PLOD1: variants seen among roughly 807,000 people sequenced by gnomAD.
The protein encoded by PLOD1 is lysine hydroxylase.
PLOD1 carries 70 observed loss-of-function variants against 94.7 expected under a neutral mutation model. The ratio of observed to expected loss-of-function variants is 0.74; its 90% CI spans 0.61 to 0.90. PLOD1 has a LOEUF of 0.90. Among genes scored for constraint, PLOD1 ranks in the 40% least tolerant of loss-of-function variants. PLOD1 has a pLI of 0.00. For missense variants in PLOD1, 905 were observed against 972.7 expected (o/e 0.93, Z 0.93); for synonymous variants, 417 against 400.2 (o/e 1.04, Z -0.50).
chr1:11,972,783 G>T lies in PLOD1; in HGVS notation c.1903-89G>T, dbSNP rs1645875489. On this transcript the variant is annotated intron_variant, in intron 17 of 18. Coordinates refer to ENST00000196061, the MANE Select transcript of PLOD1 (RefSeq NM_000302.4). The surrounding 1 kb of genome is among the most constrained non-coding windows in gnomAD (Gnocchi z 4.6). ...CTGTAAGCTGACCTGCAGCAGGCCAGACCAGGCCCCATGTGTGCACCCTCC... is the reference window on the plus strand; with the variant it reads ...CTGTAAGCTGACCTGCAGCAGGCCATACCAGGCCCCATGTGTGCACCCTCC... The T allele has an allele frequency of 2.7e-6, 4 of 1,493,028 alleles. No homozygotes were observed. The allele number at this position is 1,493,028 out of a possible 1,614,324, so 92.5% of individuals were successfully genotyped here.
rs1305944282 is a variant in PLOD1 at position 11,964,454 on chromosome 1, A to AC, written c.1328+155dup. On this transcript the variant is annotated intron_variant, in intron 12 of 18. Coordinates refer to ENST00000196061, the MANE Select transcript of PLOD1 (RefSeq NM_000302.4). ...AGACTTCAGTTAGACACACAGAAGGACTTCCTGACAAATAGGCCCATGTGT... is the reference window on the plus strand; with the variant it reads ...AGACTTCAGTTAGACACACAGAAGGACCTTCCTGACAAATAGGCCCATGTGT... Among the ~76,000 whole-genome samples, 8 of 152,166 alleles carry AC rather than the reference A, an allele frequency of 5.3e-5. 1 individual carries two copies. In the South Asian group the frequency reaches 1.5e-3, roughly 28 times the overall value.
chr1:11,960,542 A>T (rs956988138), intron 9 of PLOD1, 104 bp from the exon 10 acceptor site: 2 of 857,856 alleles, frequency 2.3e-6, no homozygotes, highest in Non-Finnish European at 3.9e-6. Flanking sequence ...GGTGCCAGAG[A>T]TGAAGGGGCA....
chr1:11,943,272 G>A, intron 1 of PLOD1, among the ~76,000 whole-genome samples: 1 of 150,990 alleles, frequency 6.6e-6, no homozygotes, highest in Non-Finnish European at 1.5e-5. Context: ...ATAGGCATGA[G>A]CCACCGTGCC....
At chr1:11,973,486 C>T (rs1178117677) in intron 18 of PLOD1, among the ~76,000 whole-genome samples, 2 of 152,076 alleles carry the variant, frequency 1.3e-5, no homozygotes, top group African/African-American at 4.8e-5. Context: ...GGCAACAGAG[C>T]GAGACTCTGT....
chr1:11,934,751 G>A lies in PLOD1; in HGVS notation c.-29G>A, dbSNP rs896285664. 14 of 1,522,540 alleles carry A rather than the reference G, an allele frequency of 9.2e-6. No homozygotes were observed. Among genetic ancestry groups the A allele is most frequent in the Admixed American group, 6.0e-5 (3 of 49,838 alleles). 94.3% of individuals were successfully genotyped at this position (1,522,540 alleles called of 1,614,324 possible). On this transcript the variant is annotated 5_prime_UTR_variant, in exon 1 of 19. Transcript: ENST00000196061. ...TTTCCAGCCCTGCGAGCGCCGCCGGGTCGGCCGATCGTCCCCCATACCTCG... is the reference window on the plus strand; with the variant it reads ...TTTCCAGCCCTGCGAGCGCCGCCGGATCGGCCGATCGTCCCCCATACCTCG...
intron 16 of PLOD1, among the ~76,000 whole-genome samples, chr1:11,970,391 C>T (rs1645852648): frequency 1.3e-5 from 2 of 152,176 alleles, no homozygotes; most frequent in African/African-American, 4.8e-5. Context: ...TGAAGTTGCG[C>T]CACTGCGCTC....
rs1180639157 is a variant in PLOD1 at position 11,972,101 on chromosome 1, A to T, written c.1903-771A>T. The T allele has an allele frequency of 6.6e-6, 1 of 152,414 alleles. No individual in the cohort carries two copies. Among genetic ancestry groups the T allele is most frequent in the Non-Finnish European group, 1.5e-5 (1 of 68,160 alleles). The allele number at this position is 152,414 out of a possible 1,614,324, so 9.4% of individuals were successfully genotyped here. On this transcript the variant is annotated intron_variant, in intron 17 of 18. Transcript: ENST00000196061. The surrounding 1 kb of genome is among the most constrained non-coding windows in gnomAD (Gnocchi z 4.6). ...GGCGTGCCTGGGTCCTGCCTCAGGG[A>T]ATCCAGCCTGGATAGTTGCCAGAAA...
At chr1:11,948,410 C>T (rs966761620) in intron 2 of PLOD1, among the ~76,000 whole-genome samples, 3 of 152,154 alleles carry the variant, frequency 2.0e-5, no homozygotes, top group African/African-American at 7.2e-5. Flanking sequence ...ACGGTCTAGA[C>T]ATCTTCCCGG....
chr1:11,972,898 C>A lies in PLOD1; in HGVS notation c.1929C>A (p.Val643=), dbSNP rs752137195. Residue 643 remains valine (V), a synonymous_variant, in exon 18 of 19, where the codon GTC becomes GTA. Transcript: ENST00000196061. This position sits in a 1 kb window ranked among gnomAD's most constrained non-coding sequence, Gnocchi z 4.6. Reference sequence around the variant, plus strand: ...CCCAGTTTGACCTGGCCTTTGTCGTCCGCTACAAGCCTGATGAGCAGCCCT... The same window carrying A: ...CCCAGTTTGACCTGGCCTTTGTCGTACGCTACAAGCCTGATGAGCAGCCCT... The part of the protein sequence containing the change: ...TRAQFDLAFV[V]RYKPDEQPSL... The A allele has an allele frequency of 1.2e-6, 2 of 1,614,106 alleles. No individual in the cohort carries two copies.
intron 1 of PLOD1, chr1:11,944,435 AC>A: frequency 1.5e-5 from 12 of 803,044 alleles, no homozygotes; most frequent in East Asian, 1.3e-4. Context: ...ACACACACAC[AC>A]ACACACACAC....
At chr1:11,937,777 C>G (rs1290655380) in intron 1 of PLOD1, among the ~76,000 whole-genome samples, 1 of 152,078 alleles carries the variant, frequency 6.6e-6, no homozygotes, top group Non-Finnish European at 1.5e-5. Context: ...CTGAGGTAAC[C>G]CAGGTAGAGC....
chr1:11,970,871 T>A, intron 17 of PLOD1, 55 bp downstream of exon 17: 1 of 1,201,204 alleles, frequency 8.3e-7, no homozygotes. Context: ...GGGGTGTCAG[T>A]GGAGTGGCTG....
intron 1 of PLOD1, among the ~76,000 whole-genome samples, chr1:11,945,772 G>A (rs533883749): frequency 5.3e-5 from 8 of 152,194 alleles, no homozygotes; most frequent in African/African-American, 7.2e-5. Context: ...GCAGTGGTGC[G>A]ATCTTGGCTC....
chr1:11,960,524 A>G (rs911936231), intron 9 of PLOD1, 122 bp from the exon 10 acceptor site: 6 of 767,388 alleles, frequency 7.8e-6, no homozygotes, highest in Non-Finnish European at 1.1e-5. Context: ...AGGAAAGCAG[A>G]TGGCCGGGGT....
rs761173851 is a variant in PLOD1, at chr1:11,951,101, TC to T, written c.466+583del. On this transcript the variant is annotated intron_variant, in intron 4 of 18. Transcript: ENST00000196061. ...GAGTCACCACACCTGGCCACCTGCC[TC>T]CTACTTCCTAAAGATCTCTGGAATC... is the stretch of plus-strand genomic sequence containing the variant. 9.5e-4 allele frequency among the ~76,000 whole-genome samples: 144 copies of T among 152,060 alleles called. 1 individual carries two copies. Among genetic ancestry groups the T allele is most frequent in the Non-Finnish European group, 5.4e-4 (37 of 67,968 alleles).
intron 2 of PLOD1, 119 bp downstream of exon 2, chr1:11,948,186 C>T: frequency 1.3e-6 from 1 of 762,352 alleles, no homozygotes; most frequent in Non-Finnish European, 2.4e-6. Context: ...GGGGAGGCTT[C>T]TGGAAGCCTG....
chr1:11,953,020 G>A (rs1215515114), intron 5 of PLOD1, among the ~76,000 whole-genome samples: 1 of 152,128 alleles, frequency 6.6e-6, no homozygotes, highest in African/African-American at 2.4e-5. Flanking sequence ...GAAGGGGGTA[G>A]GGAGCTCACT....
rs76929846 is a variant in PLOD1, at chr1:11,946,649, A to G, written c.77-1327A>G. ...CAGAGAGATCTTCCTGGTGGTCAGCATTCAGAGTAATCTTCCTTCCACACC... is the reference window on the plus strand; with the variant it reads ...CAGAGAGATCTTCCTGGTGGTCAGCGTTCAGAGTAATCTTCCTTCCACACC... On this transcript the variant is annotated intron_variant, in intron 1 of 18. Coordinates refer to ENST00000196061, the MANE Select transcript of PLOD1 (RefSeq NM_000302.4). Among the ~76,000 whole-genome samples the G allele has an allele frequency of 4.3e-3, 660 of 152,342 alleles. 2 individuals are homozygous for G. Among genetic ancestry groups the G allele is most frequent in the African/African-American group, 0.015 (633 of 41,578 alleles).
intron 15 of PLOD1, 22 bp downstream of exon 15, chr1:11,966,338 T>C (rs1172965076): frequency 1.3e-6 from 2 of 1,580,880 alleles, no homozygotes; most frequent in African/African-American, 1.4e-5. Flanking sequence ...GGACACCCTC[T>C]TGGACCAGCC....
Sources: gnomAD v4.1 joint callset for allele counts (sites outside exome capture counted in the v4.1 genomes callset) on GRCh38, gnomAD v4.1.1 for gene constraint, Gnocchi (gnomAD v3.1) non-coding constraint, MANE v1.5 for transcripts, NCBI Gene and HGNC (gene_info 2026-07-23, HGNC 2026-07-21) for gene names.